Variants in FUT8 observed in about 807,000 individuals in gnomAD.
The protein encoded by FUT8 is fucosyltransferase 8.
FUT8 carries 29 observed loss-of-function variants against 71.3 expected under a neutral mutation model. The ratio of observed to expected loss-of-function variants is 0.41; its 90% CI spans 0.30 to 0.55. FUT8 has a LOEUF of 0.55. FUT8 is among the 20% of genes least tolerant of loss of function. The probability of loss-of-function intolerance (pLI) is 0.34; values close to 1 mark genes in which losing one functional copy is unlikely to be tolerated. For synonymous variants in FUT8, 254 were observed against 239.3 expected (o/e 1.06, Z -0.57); for missense variants, 544 against 702.1 (o/e 0.77, Z 2.55).
chr14:65,537,433 G>GAT lies in FUT8; in HGVS notation c.-227-23903_-227-23902dup, dbSNP rs746878485. Reference sequence around the variant, plus strand: ...GACGGAATCTTGCTCTGTTGCCCAGGATGGAGTGCAGTGGCGTGATCTCAG... The same window carrying GAT: ...GACGGAATCTTGCTCTGTTGCCCAGGATATGGAGTGCAGTGGCGTGATCTCAG... On this transcript the variant is annotated intron_variant, in intron 2 of 10. Transcript: ENST00000673929. Among the ~76,000 whole-genome samples the GAT allele has an allele frequency of 2.6e-5, 4 of 152,016 alleles. No individual in the cohort carries two copies. In the East Asian group the frequency reaches 7.7e-4, roughly 29 times the overall value.
At chr14:65,457,702 G>A (rs865874184) in intron 2 of FUT8, among the ~76,000 whole-genome samples, 1 of 152,154 alleles carries the variant, frequency 6.6e-6, no homozygotes, top group Non-Finnish European at 1.5e-5. Flanking sequence ...TGCACTGGTG[G>A]TCAGAGTGAA....
rs17102807 is a variant in FUT8, at chr14:65,638,361, T to C, written c.597+8755T>C. Among the ~76,000 whole-genome samples, 9,228 of 152,212 alleles carry C rather than the reference T, an allele frequency of 0.061. 326 individuals carry two copies. Among genetic ancestry groups the C allele is most frequent in the Admixed American group, 0.11 (1,700 of 15,286 alleles). On this transcript the variant is annotated intron_variant, in intron 6 of 10. Coordinates refer to ENST00000673929, the MANE Select transcript of FUT8 (RefSeq NM_001371533.1). This position sits in a 1 kb window ranked among gnomAD's most constrained non-coding sequence, Gnocchi z 4.5. The stretch of plus-strand genomic sequence containing the variant: ...GTGTCCGGCCAGAAAGATTTTTTGG[T>C]TTGCCCCCGTGTTTTGCTTGCTTTG...
chr14:65,492,946 A>G (rs937442729), intron 2 of FUT8, among the ~76,000 whole-genome samples: 1 of 150,942 alleles, frequency 6.6e-6, no homozygotes, highest in Non-Finnish European at 1.5e-5. Context: ...CCTCCCCTTT[A>G]TCTCCCCACT....
At chr14:65,590,520 A>G (rs1193813899) in intron 3 of FUT8, among the ~76,000 whole-genome samples, 2 of 152,166 alleles carry the variant, frequency 1.3e-5, no homozygotes, top group Admixed American at 1.3e-4. Flanking sequence ...CTGGGGGGGA[A>G]TAATAATAAT....
intron 2 of FUT8, among the ~76,000 whole-genome samples, chr14:65,527,361 A>G (rs1167953735): frequency 6.6e-6 from 1 of 152,144 alleles, no homozygotes; most frequent in Non-Finnish European, 1.5e-5. Context: ...TGAATCAGCT[A>G]CTGAAGCTTG....
intron 1 of FUT8, among the ~76,000 whole-genome samples, chr14:65,432,740 C>T (rs753466252): frequency 1.3e-5 from 2 of 152,186 alleles, no homozygotes; most frequent in Non-Finnish European, 2.9e-5. Context: ...CTCACTACTA[C>T]ACTTCCATTA....
upstream of FUT8, among the ~76,000 whole-genome samples, chr14:65,409,232 A>C (rs559511722): frequency 3.7e-4 from 57 of 152,378 alleles, no homozygotes; most frequent in Non-Finnish European, 7.8e-4. This position sits in a 1 kb window ranked among gnomAD's most constrained non-coding sequence, Gnocchi z 5.4. Flanking sequence ...AGCTAGAGCA[A>C]CAATTATAAA....
chr14:65,564,775 A>G (rs1014201244), intron 3 of FUT8, among the ~76,000 whole-genome samples: 1 of 152,030 alleles, frequency 6.6e-6, no homozygotes, highest in African/African-American at 2.4e-5. Flanking sequence ...ATTACATAGT[A>G]TGTAGCCTTT....
At position 65,467,976 on chromosome 14, in the gene FUT8, A is replaced by G. The variant is rs1009795211; in HGVS notation, c.-228+12258A>G. 9 of 705,238 alleles carry G rather than the reference A, an allele frequency of 1.3e-5. No individual in the cohort carries two copies. The highest frequency in any genetic ancestry group is 3.8e-5 in the Admixed American group (2 of 52,846). 43.7% of individuals were successfully genotyped at this position (705,238 alleles called of 1,614,324 possible). On this transcript the variant is annotated intron_variant, in intron 2 of 10. Coordinates refer to ENST00000673929, the MANE Select transcript of FUT8 (RefSeq NM_001371533.1). The surrounding 1 kb of genome is among the most constrained non-coding windows in gnomAD (Gnocchi z 4.1). ...ATCATTTTCCTTTACGTGTTTCAGG[A>G]AGCTATTTTGGCTCTTAGAGTGCTG...
the FUT8 span, among the ~76,000 whole-genome samples, chr14:65,360,921 A>T: frequency 3.9e-5 from 6 of 152,206 alleles, no homozygotes; most frequent in African/African-American, 1.4e-4. Flanking sequence ...TCTCAAAAAA[A>T]TTGTTCTGCA....
At chr14:65,428,459 C>T (rs1372195322) in intron 1 of FUT8, among the ~76,000 whole-genome samples, 4 of 152,180 alleles carry the variant, frequency 2.6e-5, no homozygotes, top group Non-Finnish European at 5.9e-5. Flanking sequence ...CATCACCAGA[C>T]ACCAAACCTT....
chr14:65,447,076 A>G (rs1244429508), intron 1 of FUT8, among the ~76,000 whole-genome samples: 3 of 150,102 alleles, frequency 2.0e-5, no homozygotes, highest in Non-Finnish European at 3.0e-5. Flanking sequence ...AAATGTTGTA[A>G]CCTTTCTTTA....
chr14:65,531,158 G>A (rs1042249726), intron 2 of FUT8, among the ~76,000 whole-genome samples: 6 of 151,496 alleles, frequency 4.0e-5, no homozygotes, highest in East Asian at 1.9e-4. Flanking sequence ...CATTAAATAT[G>A]ACATTAAAAA....
intron 2 of FUT8, among the ~76,000 whole-genome samples, chr14:65,520,484 A>G (rs1373692719): frequency 6.6e-6 from 1 of 152,134 alleles, no homozygotes; most frequent in Non-Finnish European, 1.5e-5. Flanking sequence ...AATTATTACT[A>G]CCTATTTTCT....
intron 7 of FUT8, among the ~76,000 whole-genome samples, chr14:65,686,585 A>G (rs1893296216): frequency 6.6e-6 from 1 of 151,944 alleles, no homozygotes; most frequent in Admixed American, 6.6e-5. Context: ...TTGTTTTGTT[A>G]AGAACAGTTT....
intron 3 of FUT8, among the ~76,000 whole-genome samples, chr14:65,570,022 G>GC (rs1476682025): frequency 1.3e-5 from 2 of 151,988 alleles, no homozygotes; most frequent in African/African-American, 4.8e-5. Flanking sequence ...TTTGAGCTTT[G>GC]CTCTTTGGTC....
intron 2 of FUT8, among the ~76,000 whole-genome samples, chr14:65,524,607 T>G (rs1431045007): frequency 6.6e-6 from 1 of 152,184 alleles, no homozygotes; most frequent in Non-Finnish European, 1.5e-5. Flanking sequence ...CTTCCAACAC[T>G]ATGTTAAATA....
chr14:65,531,711 A>G (rs1330811682), intron 2 of FUT8, among the ~76,000 whole-genome samples: 11 of 152,094 alleles, frequency 7.2e-5, no homozygotes, highest in Admixed American at 7.2e-4. Flanking sequence ...AGATTATTTC[A>G]TCACCCAGGT....
At chr14:65,502,278 G>A (rs556088675) in intron 2 of FUT8, among the ~76,000 whole-genome samples, 1 of 151,274 alleles carries the variant, frequency 6.6e-6, no homozygotes, top group African/African-American at 2.4e-5. Context: ...AGGCTGGGGT[G>A]CAGTGGTGGG....
Sources: allele counts gnomAD v4.1 joint callset (sites outside exome capture counted in the v4.1 genomes callset), GRCh38; gene constraint gnomAD v4.1.1; non-coding constraint Gnocchi (gnomAD v3.1); transcripts MANE v1.5; gene names NCBI Gene and HGNC (gene_info 2026-07-23, HGNC 2026-07-21).